The following LINGO1 variants were observed in gnomAD, a reference collection of about 807,000 sequenced individuals.
LINGO1 encodes leucine rich repeat and Ig domain containing 1, also known as leucine-rich repeat and immunoglobulin-like domain-containing nogo receptor-interacting protein 1.
Under a neutral mutation model 37.3 loss-of-function variants are expected in LINGO1, and 11 were observed. The ratio of observed to expected loss-of-function variants is 0.29; its 90% confidence interval spans 0.19 to 0.49. The LOEUF (loss-of-function observed/expected upper bound fraction) is 0.49, where lower values mean the gene tolerates loss of function less well. Ranked by LOEUF, LINGO1 falls within the 20% of genes least tolerant of loss-of-function variation. The pLI, the probability that LINGO1 is intolerant of heterozygous loss-of-function variation, is 0.99. For synonymous variants in LINGO1, 387 were observed against 403.0 expected (o/e 0.96, Z 0.48); for missense variants, 585 against 878.2 (o/e 0.67, Z 4.22).
chr15:77,784,018 G>A (rs970745079), intron 1 of LINGO1, among the ~76,000 whole-genome samples: 8 of 152,218 alleles, frequency 5.3e-5, no homozygotes, highest in Non-Finnish European at 7.3e-5. Flanking sequence ...ACGGTGCTGC[G>A]CCCACCCCAC....
At chr15:77,733,963 C>T (rs766365635) in intron 2 of LINGO1, among the ~76,000 whole-genome samples, 4 of 152,208 alleles carry the variant, frequency 2.6e-5, no homozygotes, top group African/African-American at 4.8e-5. Flanking sequence ...CCAGGCTCTT[C>T]GTACTTGGCC....
At chr15:77,732,312 G>A (rs146466317) in intron 2 of LINGO1, among the ~76,000 whole-genome samples, 11 of 152,334 alleles carry the variant, frequency 7.2e-5, no homozygotes, top group South Asian at 2.1e-4. Flanking sequence ...CAACAGCAGC[G>A]TTTGCAGCAG....
chr15:77,750,624 G>C (rs960452264), intron 1 of LINGO1, among the ~76,000 whole-genome samples: 1 of 152,188 alleles, frequency 6.6e-6, no homozygotes, highest in South Asian at 2.1e-4. Context: ...CCAGAAGAAT[G>C]GATGCCAACA....
intron 1 of LINGO1, among the ~76,000 whole-genome samples, chr15:77,817,486 A>T (rs2077057969): frequency 6.6e-6 from 1 of 152,148 alleles, no homozygotes; most frequent in Admixed American, 6.5e-5. Context: ...GATGGTAGTG[A>T]ACTCCCAGAG....
At chr15:77,725,107 G>A (rs1296670700) in intron 2 of LINGO1, among the ~76,000 whole-genome samples, 1 of 152,112 alleles carries the variant, frequency 6.6e-6, no homozygotes, top group Non-Finnish European at 1.5e-5. Flanking sequence ...AAGCTGGTTT[G>A]GGTGTGCCCA....
At chr15:77,767,484 G>C (rs963973227) in intron 1 of LINGO1, among the ~76,000 whole-genome samples, 4 of 152,174 alleles carry the variant, frequency 2.6e-5, no homozygotes, top group Non-Finnish European at 5.9e-5. Flanking sequence ...TAAACCAAGA[G>C]GAAGACGTGG....
chr15:77,712,311 G>A (rs1349331884), intron 2 of LINGO1, among the ~76,000 whole-genome samples: 1 of 150,822 alleles, frequency 6.6e-6, no homozygotes. Flanking sequence ...CGAGACCTTC[G>A]CACCTCACCT....
intron 1 of LINGO1, among the ~76,000 whole-genome samples, chr15:77,627,807 C>T (rs1178002965): frequency 6.6e-6 from 1 of 152,102 alleles, no homozygotes; most frequent in East Asian, 1.9e-4. Context: ...ATCCTACTTG[C>T]TTGGGGAGTC....
rs964428544 is a variant in LINGO1 at position 77,632,473 on chromosome 15, C to T, written c.-158G>A. 21 of 702,196 alleles carry T rather than the reference C, an allele frequency of 3.0e-5. No homozygotes were observed. Among genetic ancestry groups the T allele is most frequent in the Admixed American group, 4.5e-5 (1 of 21,986 alleles). The allele number at this position is 702,196 out of a possible 1,614,324, so 43.5% of individuals were successfully genotyped here. ...GCGCGCCCTCGCGGGGCTGGCTGTC[C>T]GTCTGTCCGCCCCGCGCGGGCGGGA... On this transcript the variant is annotated 5_prime_UTR_variant, in exon 1 of 2. Coordinates refer to ENST00000355300, the MANE Select transcript of LINGO1 (RefSeq NM_032808.7). This position sits in a 1 kb window ranked among gnomAD's most constrained non-coding sequence, Gnocchi z 6.0.
chr15:77,768,703 C>A (rs1034735506), intron 1 of LINGO1, among the ~76,000 whole-genome samples: 2 of 152,148 alleles, frequency 1.3e-5, no homozygotes, highest in East Asian at 3.9e-4. Context: ...CTCTGTCTCT[C>A]TTCCCCTCCT....
At position 77,719,053 on chromosome 15, in the gene LINGO1, T is replaced by C. The variant is rs182171307; in HGVS notation, c.-195+15939A>G. Among the ~76,000 whole-genome samples the C allele has an allele frequency of 6.8e-4, 102 of 150,196 alleles. 1 individual carries two copies. Among genetic ancestry groups the C allele is most frequent in the African/African-American group, 2.4e-3 (100 of 41,428 alleles). On this transcript the variant is annotated intron_variant, in intron 2 of 3. Transcript: ENST00000561686. ...CACAGCAGCCAAAGTCCTCCATAAA[T>C]GAGGAGCTTGTCCAGGCAGGGCGGA...
chr15:77,623,065 C>A (rs1360061677), intron 1 of LINGO1, among the ~76,000 whole-genome samples: 1 of 152,220 alleles, frequency 6.6e-6, no homozygotes, highest in African/African-American at 2.4e-5. Context: ...CCTGCAGACG[C>A]ACCCACATCA....
At chr15:77,723,144 C>T (rs1316211374) in intron 2 of LINGO1, among the ~76,000 whole-genome samples, 1 of 151,992 alleles carries the variant, frequency 6.6e-6, no homozygotes, top group East Asian at 1.9e-4. Flanking sequence ...CCTTCCATCC[C>T]ACCCCGCCCC....
intron 3 of LINGO1, among the ~76,000 whole-genome samples, chr15:77,662,504 C>A (rs1243632724): frequency 6.6e-6 from 1 of 152,152 alleles, no homozygotes; most frequent in African/African-American, 2.4e-5. Flanking sequence ...TACCCTCCAC[C>A]CTCTCTTGAA....
At chr15:77,718,586 A>G (rs575814050) in intron 2 of LINGO1, among the ~76,000 whole-genome samples, 20 of 151,006 alleles carry the variant, frequency 1.3e-4, no homozygotes, top group Middle Eastern at 3.4e-3. Flanking sequence ...CTAGACCCCA[A>G]TATCGGACCC....
chr15:77,810,289 C>T (rs1255190301), intron 1 of LINGO1, among the ~76,000 whole-genome samples: 2 of 46,374 alleles, frequency 4.3e-5, no homozygotes, highest in African/African-American at 8.6e-5. Flanking sequence ...TACACAAGCA[C>T]ACACACACGG....
chr15:77,626,584 C>T (rs920493442), intron 1 of LINGO1, among the ~76,000 whole-genome samples: 2 of 152,272 alleles, frequency 1.3e-5, no homozygotes, highest in Middle Eastern at 3.4e-3. Flanking sequence ...CCCGGCTGCC[C>T]GTTCATAAGA....
intron 1 of LINGO1, among the ~76,000 whole-genome samples, chr15:77,796,275 G>A (rs2141454997): frequency 6.6e-6 from 1 of 152,344 alleles, no homozygotes; most frequent in East Asian, 1.9e-4. Context: ...TAGATGTGTT[G>A]TCAATTGTGC....
intron 2 of LINGO1, among the ~76,000 whole-genome samples, chr15:77,734,571 TCCCTGGCCTGTC>T (rs576329309): frequency 1.8e-3 from 268 of 150,564 alleles, no homozygotes; most frequent in South Asian, 0.017. Context: ...CCCAACAGAT[TCCCTGGCCTGTC>T]CCCCACAGGC....
Sources: gnomAD v4.1 joint callset for allele counts (sites outside exome capture counted in the v4.1 genomes callset) on GRCh38, gnomAD v4.1.1 for gene constraint, Gnocchi (gnomAD v3.1) non-coding constraint, MANE v1.5 for transcripts, NCBI Gene and HGNC (gene_info 2026-07-23, HGNC 2026-07-21) for gene names.